IGFBP4: variants seen among roughly 807,000 people sequenced by gnomAD.
IGFBP4 encodes insulin-like growth factor-binding protein 4.
Under a neutral mutation model 25.8 loss-of-function variants are expected in IGFBP4, and 9 were observed. That is an observed-to-expected ratio of 0.35 (90% CI 0.21 to 0.61). IGFBP4 has a LOEUF of 0.61. Ranked by LOEUF, IGFBP4 falls within the 20% of genes least tolerant of loss-of-function variation. The pLI is 0.77. For synonymous variants in IGFBP4, 153 were observed against 153.9 expected (o/e 0.99, Z 0.05); for missense variants, 315 against 365.3 (o/e 0.86, Z 1.12).
intron 1 of IGFBP4, among the ~76,000 whole-genome samples, chr17:40,446,670 T>C (rs1281811606): frequency 6.6e-6 from 1 of 151,976 alleles, no homozygotes; most frequent in Non-Finnish European, 1.5e-5. Context: ...TGGAATGGGG[T>C]GGCTTTAGGT....
At chr17:40,454,673 T>C (rs1401611622) in intron 3 of IGFBP4, among the ~76,000 whole-genome samples, 1 of 152,192 alleles carries the variant, frequency 6.6e-6, no homozygotes, top group Non-Finnish European at 1.5e-5. Context: ...TCCCTATTCC[T>C]TCCTGCCCTT....
chr17:40,453,187 CACACACA>C lies in IGFBP4; in HGVS notation c.507+46_507+52del. 7.1e-7 allele frequency: 1 copy of C among 1,412,248 alleles called. No individual in the cohort carries two copies. Among genetic ancestry groups the C allele is most frequent in the South Asian group, 1.5e-5 (1 of 67,004 alleles). 87.5% of individuals were successfully genotyped at this position (1,412,248 alleles called of 1,614,324 possible). A position where few individuals can be genotyped will look rare whatever the true frequency, so the allele number is the denominator to read the frequency against. On this transcript the variant is annotated intron_variant, in intron 2 of 3. Transcript: ENST00000269593. The surrounding 1 kb of genome is among the most constrained non-coding windows in gnomAD (Gnocchi z 4.0). ...AAATGTGCATGTGCATAGACACACA[CACACACA>C]TGCCCCCTGCCCCCCACATGCACGC... is the stretch of plus-strand genomic sequence containing the variant.
chr17:40,443,659 C>T lies in IGFBP4; in HGVS notation c.-77C>T. On this transcript the variant is annotated 5_prime_UTR_variant, in exon 1 of 4. Transcript: ENST00000269593. Reference sequence around the variant, plus strand: ...GCGCCAGGCGCTGCCGCCGTGTGCCCTCCGCCGCTCGCCCGCGCGCCCGCG... The same window carrying T: ...GCGCCAGGCGCTGCCGCCGTGTGCCTTCCGCCGCTCGCCCGCGCGCCCGCG... 1.3e-6 allele frequency: 1 copy of T among 773,736 alleles called. No homozygotes were observed. Among genetic ancestry groups the T allele is most frequent in the South Asian group, 5.8e-5 (1 of 17,140 alleles). 47.9% of individuals were successfully genotyped at this position (773,736 alleles called of 1,614,324 possible). A position where few individuals can be genotyped will look rare whatever the true frequency, so the allele number is the denominator to read the frequency against.
Position 40,453,163 on chromosome 17 carries a change from AATGTGC to A in IGFBP4, c.507+30_507+35del. ...CTGTGGTAAGGACCTCCGATGCACAAATGTGCATGTGCATAGACACACACACACACA... is the reference window on the plus strand; with the variant it reads ...CTGTGGTAAGGACCTCCGATGCACAAATGTGCATAGACACACACACACACA... On this transcript the variant is annotated intron_variant, in intron 2 of 3. Coordinates refer to ENST00000269593, the MANE Select transcript of IGFBP4 (RefSeq NM_001552.3). This position sits in a 1 kb window ranked among gnomAD's most constrained non-coding sequence, Gnocchi z 4.0. 6.7e-7 allele frequency: 1 copy of A among 1,495,072 alleles called. No homozygotes were observed. Among genetic ancestry groups the A allele is most frequent in the Non-Finnish European group, 8.9e-7 (1 of 1,120,180 alleles). The allele number at this position is 1,495,072 out of a possible 1,614,324, so 92.6% of individuals were successfully genotyped here.
chr17:40,446,795 G>C (rs913260009), intron 1 of IGFBP4, among the ~76,000 whole-genome samples: 1 of 152,146 alleles, frequency 6.6e-6, no homozygotes, highest in Non-Finnish European at 1.5e-5. Flanking sequence ...GACGAGGGAA[G>C]CCTGGAGGTA....
chr17:40,447,594 G>C (rs776628381), intron 1 of IGFBP4, among the ~76,000 whole-genome samples: 1 of 152,120 alleles, frequency 6.6e-6, no homozygotes, highest in African/African-American at 2.4e-5. Flanking sequence ...GAGCATGGCC[G>C]CTTCCCATTT....
At chr17:40,446,923 G>A (rs1454039920) in intron 1 of IGFBP4, among the ~76,000 whole-genome samples, 1 of 152,216 alleles carries the variant, frequency 6.6e-6, no homozygotes, top group African/African-American at 2.4e-5. Flanking sequence ...GAGTTCTGCT[G>A]CAGCCCTGCA....
In IGFBP4 at chr17:40,456,590, C is replaced by T. The variant is rs898560874; in HGVS notation, c.*7C>T. The T allele has an allele frequency of 3.7e-6, 6 of 1,611,132 alleles. No individual in the cohort carries two copies. Among genetic ancestry groups the T allele is most frequent in the Non-Finnish European group, 4.2e-6 (5 of 1,179,204 alleles). On this transcript the variant is annotated 3_prime_UTR_variant, in exon 4 of 4. Coordinates refer to ENST00000269593, the MANE Select transcript of IGFBP4 (RefSeq NM_001552.3). ...TGACAGCTTTCGAGAGTGAGGCCTG[C>T]CAGCAGGCCAGGGACTCAGCGTCCC...
At chr17:40,444,113 T>C (rs1180448956) in intron 1 of IGFBP4, 29 bp downstream of exon 1, 1 of 1,478,104 alleles carries the variant, frequency 6.8e-7, no homozygotes, top group African/African-American at 1.4e-5. Flanking sequence ...CCCAATTCCC[T>C]CCTGAGTGCG....
At chr17:40,450,468 A>T (rs2035676195) in intron 1 of IGFBP4, among the ~76,000 whole-genome samples, 1 of 152,184 alleles carries the variant, frequency 6.6e-6, no homozygotes, top group African/African-American at 2.4e-5. Flanking sequence ...TCCACATCTC[A>T]GCTCAGCCTC....
chr17:40,456,735 G>T lies in IGFBP4; in HGVS notation c.*152G>T. 1.4e-6 allele frequency: 1 copy of T among 699,740 alleles called. No homozygotes were observed. Among genetic ancestry groups the T allele is most frequent in the East Asian group, 2.8e-5 (1 of 35,918 alleles). 43.3% of individuals were successfully genotyped at this position (699,740 alleles called of 1,614,324 possible). On this transcript the variant is annotated 3_prime_UTR_variant, in exon 4 of 4. Transcript: ENST00000269593. Reference sequence around the variant, plus strand: ...AATGCGCGTGTGCACGTGTGCGTGTGCGTGCGTGTGTGTGTGTTTGTGAGC... The same window carrying T: ...AATGCGCGTGTGCACGTGTGCGTGTTCGTGCGTGTGTGTGTGTTTGTGAGC...
At chr17:40,444,159 C>G (rs2035627528) in intron 1 of IGFBP4, 75 bp downstream of exon 1, 1 of 1,118,560 alleles carries the variant, frequency 8.9e-7, no homozygotes, top group Non-Finnish European at 1.3e-6. Context: ...ATTCCAGCCG[C>G]CCTGGAAGGC....
intron 1 of IGFBP4, among the ~76,000 whole-genome samples, chr17:40,452,656 T>A (rs1597675876): frequency 6.6e-6 from 1 of 151,130 alleles, no homozygotes; most frequent in Non-Finnish European, 1.5e-5. Flanking sequence ...CAGCAGGGGG[T>A]CCCCCTGCCT....
chr17:40,455,569 A>G (rs1469101405), intron 3 of IGFBP4, among the ~76,000 whole-genome samples: 1 of 149,416 alleles, frequency 6.7e-6, no homozygotes, highest in Non-Finnish European at 1.5e-5. Context: ...TGCAACCTCC[A>G]TCTCCCGGGT....
chr17:40,445,695 G>A (rs1275059294), intron 1 of IGFBP4, among the ~76,000 whole-genome samples: 2 of 152,180 alleles, frequency 1.3e-5, no homozygotes, highest in Non-Finnish European at 2.9e-5. Flanking sequence ...CTAATCTTGG[G>A]GCAGAGATGC....
intron 1 of IGFBP4, among the ~76,000 whole-genome samples, chr17:40,444,918 CACACACACAGAGACAGAG>C (rs1399373916): frequency 4.6e-4 from 39 of 84,232 alleles, no homozygotes; most frequent in African/African-American, 1.8e-3. Context: ...CACACACACA[CACACACACAGAGACAGAG>C]AGAGAGAGAG....
chr17:40,444,125 T>C (rs1170290098), intron 1 of IGFBP4, 41 bp downstream of exon 1: 7 of 1,446,884 alleles, frequency 4.8e-6, no homozygotes, highest in Non-Finnish European at 6.6e-6. Flanking sequence ...CTGAGTGCGC[T>C]CCCTTCCCAG....
At chr17:40,445,491 T>C (rs2035639640) in intron 1 of IGFBP4, among the ~76,000 whole-genome samples, 3 of 152,232 alleles carry the variant, frequency 2.0e-5, no homozygotes, top group Non-Finnish European at 4.4e-5. Context: ...CTCAATCCTC[T>C]GCAGCTTGTC....
chr17:40,452,714 C>A (rs2035691040), intron 1 of IGFBP4, among the ~76,000 whole-genome samples: 1 of 152,158 alleles, frequency 6.6e-6, no homozygotes, highest in South Asian at 2.1e-4. Flanking sequence ...GCCATCTGGG[C>A]AGCTGCAGCT....
Sources: gnomAD v4.1 joint callset for allele counts (sites outside exome capture counted in the v4.1 genomes callset) on GRCh38, gnomAD v4.1.1 for gene constraint, Gnocchi (gnomAD v3.1) non-coding constraint, MANE v1.5 for transcripts, NCBI Gene and HGNC (gene_info 2026-07-23, HGNC 2026-07-21) for gene names.